TBCK: variants seen among roughly 807,000 people sequenced by gnomAD.
TBCK encodes the protein TBC domain-containing protein kinase-like protein.
Under a neutral mutation model 113.4 loss-of-function variants are expected in TBCK, and 99 were observed. The observed-to-expected ratio is 0.87, with a 90% CI of 0.74 to 1.03. The LOEUF is 1.03. TBCK is among the 50% of genes least tolerant of loss of function. TBCK has a pLI of 0.00. For missense variants in TBCK, 1,045 were observed against 1,061.3 expected (o/e 0.98, Z 0.21); for synonymous variants, 369 against 370.8 (o/e 1.00, Z 0.05).
intron 20 of TBCK, among the ~76,000 whole-genome samples, chr4:106,206,367 G>A (rs1195686542): frequency 6.6e-6 from 1 of 152,160 alleles, no homozygotes; most frequent in Non-Finnish European, 1.5e-5. Flanking sequence ...TAGCCACTTT[G>A]ATTTCTAAAA....
chr4:106,303,770 AC>A (rs1767205999), intron 2 of TBCK, among the ~76,000 whole-genome samples: 1 of 151,806 alleles, frequency 6.6e-6, no homozygotes, highest in Non-Finnish European at 1.5e-5. Context: ...ACCTGACACT[AC>A]CCCTTCTTTT....
chr4:106,217,252 G>A (rs1186910245), intron 19 of TBCK, among the ~76,000 whole-genome samples: 2 of 152,074 alleles, frequency 1.3e-5, no homozygotes, highest in Non-Finnish European at 2.9e-5. Flanking sequence ...GAAACCCACA[G>A]CCAATATCAT....
intron 23 of TBCK, among the ~76,000 whole-genome samples, chr4:106,156,407 G>A (rs1450465371): frequency 6.6e-6 from 1 of 152,156 alleles, no homozygotes; most frequent in Non-Finnish European, 1.5e-5. Flanking sequence ...TCAAGGTCCT[G>A]GGACTGTACA....
chr4:106,147,421 T>C (rs932759194), intron 23 of TBCK, among the ~76,000 whole-genome samples: 1 of 152,218 alleles, frequency 6.6e-6, no homozygotes, highest in Non-Finnish European at 1.5e-5. Context: ...GATATTATTG[T>C]TGCGGGAAGT....
chr4:106,266,235 C>T lies in TBCK; in HGVS notation c.267-4023G>A, dbSNP rs181152717. 2.0e-5 allele frequency among the ~76,000 whole-genome samples: 3 copies of T among 151,522 alleles called. No individual in the cohort carries two copies. In the East Asian group the frequency reaches 5.8e-4, roughly 29 times the overall value. On this transcript the variant is annotated intron_variant, in intron 3 of 25. Coordinates refer to ENST00000394708, the MANE Select transcript of TBCK (RefSeq NM_001163435.3). ...TCTTCCCCTTAAAAAAAAAGAGAAA[C>T]ATTCCCTGAGATTAGCAAAATGTAA...
At chr4:106,289,738 A>G (rs1029429797) in intron 3 of TBCK, among the ~76,000 whole-genome samples, 1 of 151,146 alleles carries the variant, frequency 6.6e-6, no homozygotes, top group Non-Finnish European at 1.5e-5. Context: ...ACTGCACTCC[A>G]GCCTGGGTGA....
chr4:106,158,625 ATCT>A (rs138057419), intron 23 of TBCK, among the ~76,000 whole-genome samples: 3,967 of 152,232 alleles, frequency 0.026, 153 homozygotes, highest in African/African-American at 0.091. Context: ...ATCTAACTAG[ATCT>A]AGTACTAGCA....
intron 3 of TBCK, among the ~76,000 whole-genome samples, chr4:106,282,808 A>G (rs1348827864): frequency 1.3e-5 from 2 of 152,180 alleles, no homozygotes; most frequent in African/African-American, 2.4e-5. Context: ...ATCTCTTCAC[A>G]GGGCAGCAGG....
chr4:106,080,262 CCT>C (rs1738699750), intron 25 of TBCK, among the ~76,000 whole-genome samples: 1 of 151,904 alleles, frequency 6.6e-6, no homozygotes, highest in South Asian at 2.1e-4. Flanking sequence ...CATCACACTT[CCT>C]GACTTCAAAT....
intron 23 of TBCK, among the ~76,000 whole-genome samples, chr4:106,123,799 T>G (rs950528646): frequency 1.3e-5 from 2 of 149,636 alleles, no homozygotes; most frequent in African/African-American, 2.4e-5. Flanking sequence ...GCTAGCCATA[T>G]GTAGAAAGCT....
At chr4:106,275,412 G>C (rs1016461163) in intron 3 of TBCK, among the ~76,000 whole-genome samples, 3 of 152,046 alleles carry the variant, frequency 2.0e-5, no homozygotes, top group African/African-American at 7.2e-5. Context: ...GCATTGTAGT[G>C]GAGGTCCTAT....
chr4:106,046,805 T>TAAG (rs1444166804), intron 25 of TBCK, 125 bp from the exon 26 acceptor site: 1 of 528,996 alleles, frequency 1.9e-6, no homozygotes, highest in African/African-American at 2.0e-5. Context: ...CACTGTATAA[T>TAAG]AAGTTGTCAA....
intron 23 of TBCK, among the ~76,000 whole-genome samples, chr4:106,120,184 C>T (rs779529538): frequency 1.2e-4 from 18 of 152,242 alleles, no homozygotes; most frequent in African/African-American, 2.2e-4. Flanking sequence ...GTTCCCTTTC[C>T]GAGTCAAAGA....
At chr4:106,123,810 G>T (rs1165173423) in intron 23 of TBCK, among the ~76,000 whole-genome samples, 2 of 149,236 alleles carry the variant, frequency 1.3e-5, no homozygotes, top group African/African-American at 2.5e-5. Flanking sequence ...GTAGAAAGCT[G>T]AAACTGGATC....
intron 3 of TBCK, among the ~76,000 whole-genome samples, chr4:106,266,005 A>C (rs1762957795): frequency 6.6e-6 from 1 of 151,830 alleles, no homozygotes; most frequent in African/African-American, 2.4e-5. Context: ...CTGAGTCTTA[A>C]ACAAATAGGG....
At position 106,247,300 on chromosome 4, in the gene TBCK, T is replaced by G; in HGVS notation, c.783-13A>C. The G allele has an allele frequency of 6.2e-7, 1 of 1,609,136 alleles. No individual in the cohort carries two copies. Among genetic ancestry groups the G allele is most frequent in the Non-Finnish European group, 8.5e-7 (1 of 1,176,618 alleles). ...ATCTGGGGTTGGCCTTGAGAACATT[T>G]AAAATACAGAGCATGAATGAAAGTC... is the stretch of plus-strand genomic sequence containing the variant. On this transcript the variant is annotated splice_polypyrimidine_tract_variant and intron_variant, in intron 9 of 25. Coordinates refer to ENST00000394708, the MANE Select transcript of TBCK (RefSeq NM_001163435.3).
intron 12 of TBCK, chr4:106,237,632 C>T (rs1014496642): frequency 2.5e-6 from 1 of 401,912 alleles, no homozygotes; most frequent in African/African-American, 2.1e-5. Flanking sequence ...GAGTTATTCC[C>T]AGAATTTTTA....
intron 24 of TBCK, among the ~76,000 whole-genome samples, chr4:106,113,114 A>T (rs1743050236): frequency 6.6e-6 from 1 of 152,224 alleles, no homozygotes; most frequent in African/African-American, 2.4e-5. Context: ...GTCATTAAAC[A>T]TCGTCTTTTA....
intron 25 of TBCK, among the ~76,000 whole-genome samples, chr4:106,058,237 G>A (rs1197111651): frequency 6.6e-6 from 1 of 151,700 alleles, no homozygotes; most frequent in East Asian, 1.9e-4. Context: ...GCTACCTAGA[G>A]CCATCATTTA....
Sources: gnomAD v4.1 joint callset for allele counts (sites outside exome capture counted in the v4.1 genomes callset) on GRCh38, gnomAD v4.1.1 for gene constraint, MANE v1.5 for transcripts, NCBI Gene and HGNC (gene_info 2026-07-23, HGNC 2026-07-21) for gene names.